The following KHDRBS2 variants were observed in gnomAD, a reference collection of about 807,000 sequenced individuals.
KHDRBS2 encodes KH RNA binding domain containing, signal transduction associated 2.
Under a neutral mutation model 44.3 loss-of-function variants are expected in KHDRBS2, and 26 were observed. The ratio of observed to expected loss-of-function variants is 0.59; its 90% CI spans 0.43 to 0.81. The LOEUF (loss-of-function observed/expected upper bound fraction) is 0.81. Among genes scored for constraint, KHDRBS2 ranks in the 40% least tolerant of loss-of-function variants. KHDRBS2 has a pLI of 0.00. For synonymous variants in KHDRBS2, 194 were observed against 151.1 expected (o/e 1.28, Z -2.08); for missense variants, 476 against 433.1 (o/e 1.10, Z -0.88).
chr6:62,118,792 G>C (rs1197670294), intron 2 of KHDRBS2, among the ~76,000 whole-genome samples: 1 of 152,168 alleles, frequency 6.6e-6, no homozygotes, highest in East Asian at 1.9e-4. Flanking sequence ...AAGTTCTACA[G>C]CTTTTGGACT....
At chr6:61,675,458 A>G (rs1048881920), downstream of KHDRBS2, among the ~76,000 whole-genome samples, 1 of 151,754 alleles carries the variant, frequency 6.6e-6, no homozygotes, top group Non-Finnish European at 1.5e-5. Context: ...TCTAAATATC[A>G]TTTTGTGACA....
At chr6:62,077,547 A>G (rs925625630) in intron 2 of KHDRBS2, among the ~76,000 whole-genome samples, 3 of 152,014 alleles carry the variant, frequency 2.0e-5, no homozygotes, top group Non-Finnish European at 4.4e-5. Context: ...CACTCAGTCC[A>G]GTAAGATAGG....
chr6:62,206,682 T>TC (rs2150141950), intron 1 of KHDRBS2, among the ~76,000 whole-genome samples: 1 of 152,212 alleles, frequency 6.6e-6, no homozygotes, highest in East Asian at 1.9e-4. Flanking sequence ...CCAGTAAGTT[T>TC]CAATTCTTTA....
chr6:61,741,814 A>G (rs1248672971), intron 6 of KHDRBS2, among the ~76,000 whole-genome samples: 1 of 151,946 alleles, frequency 6.6e-6, no homozygotes, highest in Non-Finnish European at 1.5e-5. Flanking sequence ...ATCATTTAGA[A>G]ATTTAAATGA....
chr6:61,896,672 C>T (rs1172967476), intron 5 of KHDRBS2, among the ~76,000 whole-genome samples: 4 of 152,094 alleles, frequency 2.6e-5, no homozygotes, highest in African/African-American at 7.2e-5. Context: ...AGTATCCTGT[C>T]GTTTATTTGT....
intron 5 of KHDRBS2, among the ~76,000 whole-genome samples, chr6:61,899,739 C>G (rs1803597083): frequency 7.1e-6 from 1 of 140,234 alleles, no homozygotes; most frequent in Non-Finnish European, 1.6e-5. Context: ...TAATGCCCCC[C>G]CCCCGCATTT....
Position 61,848,501 on chromosome 6 carries a change from A to ACG in KHDRBS2, c.810+46133_810+46134insCG, listed in dbSNP as rs1296741799. Among the ~76,000 whole-genome samples, 169 of 63,782 alleles carry ACG rather than the reference A, an allele frequency of 2.6e-3. 9 individuals are homozygous for ACG. Among genetic ancestry groups the ACG allele is most frequent in the African/African-American group, 0.013 (159 of 12,710 alleles). 41.8% of individuals were successfully genotyped at this position (63,782 alleles called of 152,430 possible). A position where few individuals can be genotyped will look rare whatever the true frequency, so the allele number is the denominator to read the frequency against. ...TATATATATATATATGTATATATAT[A>ACG]TATATATATGTATATATGTATATAT... On this transcript the variant is annotated intron_variant, in intron 6 of 8. Coordinates refer to ENST00000281156, the MANE Select transcript of KHDRBS2 (RefSeq NM_152688.4).
At chr6:61,718,784 C>T (rs1771857706) in intron 7 of KHDRBS2, among the ~76,000 whole-genome samples, 1 of 152,040 alleles carries the variant, frequency 6.6e-6, no homozygotes, top group South Asian at 2.1e-4. Flanking sequence ...AGCACCTCAC[C>T]TTATGGATAC....
the KHDRBS2 span, among the ~76,000 whole-genome samples, chr6:61,643,117 C>T: frequency 6.7e-6 from 1 of 148,352 alleles, no homozygotes; most frequent in African/African-American, 2.4e-5. Flanking sequence ...TATACATATA[C>T]ACACACTGTA....
At chr6:62,162,749 A>T (rs1235111305) in intron 2 of KHDRBS2, among the ~76,000 whole-genome samples, 1 of 151,936 alleles carries the variant, frequency 6.6e-6, no homozygotes, top group Admixed American at 6.6e-5. Context: ...TCCCTTCTTA[A>T]ATTCATGGTA....
intron 4 of KHDRBS2, among the ~76,000 whole-genome samples, chr6:61,915,938 A>G (rs183858134): frequency 9.2e-5 from 14 of 152,168 alleles, no homozygotes; most frequent in Admixed American, 9.2e-4. Flanking sequence ...TATTGCTTCC[A>G]AAGCATCAGT....
At chr6:61,778,020 T>G (rs995772472) in intron 6 of KHDRBS2, among the ~76,000 whole-genome samples, 7 of 152,064 alleles carry the variant, frequency 4.6e-5, no homozygotes, top group African/African-American at 1.7e-4. Context: ...TACCTTCAAA[T>G]AGTGTCTGTT....
chr6:61,666,004 CA>C, the KHDRBS2 span, among the ~76,000 whole-genome samples: 1 of 151,054 alleles, frequency 6.6e-6, no homozygotes. Flanking sequence ...TTATTAAGAT[CA>C]AAACTATTAG....
chr6:61,598,304 T>C, the KHDRBS2 span, among the ~76,000 whole-genome samples: 7 of 146,316 alleles, frequency 4.8e-5, 1 homozygote, highest in African/African-American at 7.3e-5. Flanking sequence ...AAAACAAGCA[T>C]ATGTGAGACT....
intron 4 of KHDRBS2, among the ~76,000 whole-genome samples, chr6:61,953,657 C>A (rs1005760661): frequency 2.6e-5 from 4 of 152,176 alleles, no homozygotes; most frequent in Non-Finnish European, 5.9e-5. Flanking sequence ...TTTTCATATT[C>A]ATGAAATTCA....
chr6:61,606,728 G>A, the KHDRBS2 span, among the ~76,000 whole-genome samples: 1 of 152,202 alleles, frequency 6.6e-6, no homozygotes, highest in African/African-American at 2.4e-5. Context: ...AAGACTGGCT[G>A]AGTGATCTTT....
At chr6:61,573,586 T>A in the KHDRBS2 span, among the ~76,000 whole-genome samples, 1 of 152,166 alleles carries the variant, frequency 6.6e-6, no homozygotes, top group Non-Finnish European at 1.5e-5. Flanking sequence ...GTTCAGGAGT[T>A]TGAGATCAGC....
At chr6:62,073,298 A>AT (rs1191336457) in intron 2 of KHDRBS2, among the ~76,000 whole-genome samples, 1 of 151,670 alleles carries the variant, frequency 6.6e-6, no homozygotes, top group African/African-American at 2.4e-5. Context: ...TAATTTGTAT[A>AT]TTTTTAACAA....
intron 3 of KHDRBS2, among the ~76,000 whole-genome samples, chr6:61,987,738 G>T (rs1311166148): frequency 6.6e-6 from 1 of 152,024 alleles, no homozygotes; most frequent in African/African-American, 2.4e-5. Context: ...ACACACAAAG[G>T]GTTTTTGTAC....
Sources: gnomAD v4.1 joint callset for allele counts (sites outside exome capture counted in the v4.1 genomes callset) on GRCh38, gnomAD v4.1.1 for gene constraint, MANE v1.5 for transcripts, NCBI Gene and HGNC (gene_info 2026-07-23, HGNC 2026-07-21) for gene names.